Variants in GMDS observed in about 807,000 individuals in gnomAD.
GMDS encodes GDP-mannose 4,6 dehydratase.
In GMDS, 20 loss-of-function variants were observed where a neutral mutation model predicts 49.9. The observed-to-expected ratio is 0.40, with a 90% CI of 0.28 to 0.58. The LOEUF is 0.58. Ranked by LOEUF, GMDS falls within the 20% of genes least tolerant of loss-of-function variation. The probability of loss-of-function intolerance (pLI) is 0.42; values close to 1 mark genes in which losing one functional copy is unlikely to be tolerated. For synonymous variants in GMDS, 177 were observed against 178.6 expected, an observed-to-expected ratio of 0.99 and a Z score of 0.07; for missense variants, 362 against 481.4, an observed-to-expected ratio of 0.75 and a Z score of 2.32.
At chr6:2,154,459 C>G (rs1304673575) in intron 1 of GMDS, among the ~76,000 whole-genome samples, 2 of 151,986 alleles carry the variant, frequency 1.3e-5, no homozygotes, top group African/African-American at 2.4e-5. Flanking sequence ...TACTCATATT[C>G]AAAATTAAAT....
intron 7 of GMDS, among the ~76,000 whole-genome samples, chr6:1,891,027 T>C (rs1240070917): frequency 6.6e-6 from 1 of 152,250 alleles, no homozygotes; most frequent in East Asian, 1.9e-4. Flanking sequence ...TATGGGCTTA[T>C]ATTTTAAAAA....
At chr6:1,846,593 T>A (rs1364643325) in intron 7 of GMDS, among the ~76,000 whole-genome samples, 5 of 152,152 alleles carry the variant, frequency 3.3e-5, no homozygotes, top group Non-Finnish European at 7.4e-5. Flanking sequence ...CATGGGAACA[T>A]GGAAAGAGAA....
chr6:1,663,680 C>T (rs150523161), intron 9 of GMDS, among the ~76,000 whole-genome samples: 92 of 152,320 alleles, frequency 6.0e-4, no homozygotes, highest in African/African-American at 2.1e-3. Flanking sequence ...GTTCCTTCAA[C>T]TGGCAAAGCA....
intron 4 of GMDS, among the ~76,000 whole-genome samples, chr6:2,070,196 C>T (rs1436305628): frequency 6.1e-5 from 9 of 148,170 alleles, no homozygotes; most frequent in Admixed American, 4.1e-4. Flanking sequence ...CATATTCTCA[C>T]TCATAGGTGG....
At chr6:2,009,607 A>G (rs1006546365) in intron 4 of GMDS, among the ~76,000 whole-genome samples, 5 of 152,226 alleles carry the variant, frequency 3.3e-5, no homozygotes, top group African/African-American at 1.2e-4. Flanking sequence ...GTTCGTTTAA[A>G]GCAGCACAGA....
At chr6:2,200,725 C>T (rs1420197321) in intron 1 of GMDS, among the ~76,000 whole-genome samples, 1 of 148,654 alleles carries the variant, frequency 6.7e-6, no homozygotes. Context: ...GAAGAGAGAG[C>T]ACCACATGGA....
At position 1,930,521 on chromosome 6, in the gene GMDS, T is replaced by C. The variant is rs145156757; in HGVS notation, c.644-291A>G. On this transcript the variant is annotated intron_variant, in intron 6 of 10. Transcript: ENST00000380815. ...GTTGCTTCAATATGCAACCCAGGCA[T>C]TAGGCCAAAGAAAAGCTGTTGGAAT... The C allele has an allele frequency of 1.3e-4, 33 of 258,760 alleles. No individual in the cohort carries two copies. In the East Asian group the frequency reaches 1.9e-3, roughly 15 times the overall value. 16.0% of individuals were successfully genotyped at this position (258,760 alleles called of 1,614,324 possible). A position where few individuals can be genotyped will look rare whatever the true frequency, so the allele number is the denominator to read the frequency against.
At chr6:1,701,729 T>C (rs1350012204) in intron 9 of GMDS, among the ~76,000 whole-genome samples, 1 of 151,912 alleles carries the variant, frequency 6.6e-6, no homozygotes, top group Non-Finnish European at 1.5e-5. Flanking sequence ...AAATAATATA[T>C]ATTTATTATA....
intron 7 of GMDS, among the ~76,000 whole-genome samples, chr6:1,826,175 T>C (rs1168178269): frequency 1.3e-5 from 2 of 152,186 alleles, no homozygotes; most frequent in African/African-American, 4.8e-5. Context: ...TTGTAAACAC[T>C]GTACACTTAG....
In GMDS at chr6:2,148,060, C is replaced by T. The variant is rs553512700; in HGVS notation, c.103-23329G>A. On this transcript the variant is annotated intron_variant, in intron 1 of 10. Transcript: ENST00000380815. ...GGCACCCATACCATAGAATTAAACT[C>T]CCTGTTTCAGTCCTGTGTTTTGAAA... 1.4e-4 allele frequency among the ~76,000 whole-genome samples: 21 copies of T among 152,010 alleles called. 1 individual carries two copies. The highest frequency in any genetic ancestry group is 3.1e-4 in the Non-Finnish European group (21 of 67,992).
chr6:1,975,490 A>G (rs1764847822), intron 4 of GMDS, among the ~76,000 whole-genome samples: 1 of 152,224 alleles, frequency 6.6e-6, no homozygotes, highest in African/African-American at 2.4e-5. Flanking sequence ...TAAAAGTAGG[A>G]GTAAAACATA....
chr6:1,750,735 C>T (rs1767688305), intron 7 of GMDS, among the ~76,000 whole-genome samples: 1 of 152,090 alleles, frequency 6.6e-6, no homozygotes, highest in African/African-American at 2.4e-5. Flanking sequence ...CGTTCACTCC[C>T]CTGGAAAGAG....
intron 1 of GMDS, among the ~76,000 whole-genome samples, chr6:2,203,243 C>T (rs1416874290): frequency 6.6e-6 from 1 of 152,052 alleles, no homozygotes; most frequent in African/African-American, 2.4e-5. Context: ...TTTTTCCTGT[C>T]ACTTTGAGGA....
intron 4 of GMDS, among the ~76,000 whole-genome samples, chr6:2,060,857 C>T (rs992608479): frequency 1.3e-5 from 2 of 151,688 alleles, no homozygotes; most frequent in African/African-American, 4.8e-5. Context: ...CTGTCTCTAC[C>T]AAAAATACAA....
intron 7 of GMDS, among the ~76,000 whole-genome samples, chr6:1,788,279 A>G (rs1369633606): frequency 6.6e-6 from 1 of 152,238 alleles, no homozygotes; most frequent in Non-Finnish European, 1.5e-5. Context: ...AGAATTGCAC[A>G]GGTAAAGGAT....
At chr6:2,132,838 T>C (rs1343913426) in intron 1 of GMDS, among the ~76,000 whole-genome samples, 1 of 152,230 alleles carries the variant, frequency 6.6e-6, no homozygotes, top group Non-Finnish European at 1.5e-5. Context: ...ATATACTAGC[T>C]GAAAGTTTTT....
chr6:1,835,601 T>C (rs1188696759), intron 7 of GMDS, among the ~76,000 whole-genome samples: 1 of 152,186 alleles, frequency 6.6e-6, no homozygotes, highest in African/African-American at 2.4e-5. Flanking sequence ...AAACCAACTA[T>C]TTTATAAGTT....
chr6:1,812,395 T>C (rs1455299987), intron 7 of GMDS, among the ~76,000 whole-genome samples: 1 of 152,070 alleles, frequency 6.6e-6, no homozygotes. Context: ...ACAGTTTCGC[T>C]AACAGTAAAT....
At chr6:1,832,407 AC>A (rs1326340097) in intron 7 of GMDS, among the ~76,000 whole-genome samples, 7 of 152,050 alleles carry the variant, frequency 4.6e-5, no homozygotes, top group Admixed American at 1.3e-4. Flanking sequence ...TACAAAAAAA[AC>A]AATCCAAAAC....
Sources: gnomAD v4.1 joint callset for allele counts (sites outside exome capture counted in the v4.1 genomes callset) on GRCh38, gnomAD v4.1.1 for gene constraint, MANE v1.5 for transcripts, NCBI Gene and HGNC (gene_info 2026-07-23, HGNC 2026-07-21) for gene names.